Variants in LUZP2 observed in about 807,000 individuals in gnomAD.
The protein encoded by LUZP2 is leucine zipper protein 2.
A neutral mutation model predicts 51.6 loss-of-function variants in LUZP2; 52 were observed. The observed-to-expected ratio is 1.01, with a 90% CI of 0.81 to 1.27. The LOEUF (loss-of-function observed/expected upper bound fraction) is 1.27. Among genes scored for constraint, LUZP2 ranks in the 50% most tolerant of loss-of-function variants. The pLI is 0.00. For missense variants in LUZP2, 436 were observed against 395.4 expected (o/e 1.10, Z -0.87); for synonymous variants, 154 against 137.3 (o/e 1.12, Z -0.85).
At chr11:24,926,345 G>GTATATATATATACGTGTGTA (rs752623200) in intron 7 of LUZP2, among the ~76,000 whole-genome samples, 5 of 44,984 alleles carry the variant, frequency 1.1e-4, no homozygotes, top group Middle Eastern at 0.017. Flanking sequence ...ATATACGTGT[G>GTATATATATATACGTGTGTA]TATATATATA....
intron 7 of LUZP2, among the ~76,000 whole-genome samples, chr11:24,975,917 C>G (rs1442044855): frequency 6.6e-6 from 1 of 151,812 alleles, no homozygotes; most frequent in Non-Finnish European, 1.5e-5. Flanking sequence ...AACAAAATAC[C>G]ATCGACTAGT....
intron 5 of LUZP2, among the ~76,000 whole-genome samples, chr11:24,825,588 A>T (rs1333446921): frequency 2.0e-5 from 3 of 152,210 alleles, no homozygotes; most frequent in Admixed American, 2.0e-4. Flanking sequence ...TAGGGTCTCA[A>T]GGTGAAATAA....
intron 1 of LUZP2, among the ~76,000 whole-genome samples, chr11:24,673,055 T>C (rs1237328289): frequency 6.6e-6 from 1 of 152,134 alleles, no homozygotes; most frequent in East Asian, 1.9e-4. Context: ...TCTAAGGTGG[T>C]ACAGTTTAAT....
intron 1 of LUZP2, among the ~76,000 whole-genome samples, chr11:24,604,716 A>G (rs1853854783): frequency 6.6e-6 from 1 of 151,752 alleles, no homozygotes; most frequent in African/African-American, 2.4e-5. Flanking sequence ...AAGTAATGAA[A>G]TGAAGCGAAC....
intron 1 of LUZP2, among the ~76,000 whole-genome samples, chr11:24,658,882 C>T (rs1299837063): frequency 6.6e-6 from 1 of 152,230 alleles, no homozygotes. Flanking sequence ...TAGCATCTCA[C>T]ACCAGTTAGA....
chr11:24,578,235 T>A (rs139291206), intron 1 of LUZP2, among the ~76,000 whole-genome samples: 1 of 152,120 alleles, frequency 6.6e-6, no homozygotes, highest in South Asian at 2.1e-4. Flanking sequence ...AGCTTCTTCT[T>A]AATTTTAAGA....
intron 9 of LUZP2, among the ~76,000 whole-genome samples, chr11:25,027,624 C>T (rs1857530172): frequency 6.6e-6 from 1 of 152,118 alleles, no homozygotes; most frequent in Non-Finnish European, 1.5e-5. Flanking sequence ...GTAATCCCAG[C>T]ACTTTGGGAG....
At chr11:24,820,460 G>A (rs989176398) in intron 5 of LUZP2, among the ~76,000 whole-genome samples, 2 of 152,162 alleles carry the variant, frequency 1.3e-5, no homozygotes, top group African/African-American at 2.4e-5. Context: ...TAGAGTTTAT[G>A]TAAATCCACC....
At chr11:24,648,383 C>G (rs2133957824) in intron 1 of LUZP2, among the ~76,000 whole-genome samples, 1 of 152,028 alleles carries the variant, frequency 6.6e-6, no homozygotes, top group African/African-American at 2.4e-5. Flanking sequence ...TCTACTGTCT[C>G]TAATATATAC....
chr11:24,553,140 A>ATATATAATTATATGTATATATGTG (rs1443924263), intron 1 of LUZP2, among the ~76,000 whole-genome samples: 2 of 151,660 alleles, frequency 1.3e-5, no homozygotes, highest in African/African-American at 4.8e-5. Context: ...GTATATCTGT[A>ATATATAATTATATGTATATATGTG]TATATAATTA....
intron 1 of LUZP2, among the ~76,000 whole-genome samples, chr11:24,579,084 T>G (rs1852761253): frequency 6.6e-6 from 1 of 152,154 alleles, no homozygotes; most frequent in South Asian, 2.1e-4. Context: ...TAATGCTATA[T>G]TAAATGTTTG....
intron 7 of LUZP2, among the ~76,000 whole-genome samples, chr11:24,972,841 A>AG (rs60440446): frequency 0.99 from 151,026 of 152,064 alleles, 75,016 homozygotes; most frequent in Middle Eastern, 1. Context: ...TATTTTATTG[A>AG]GGTTTTTTCA....
intron 1 of LUZP2, among the ~76,000 whole-genome samples, chr11:24,534,387 A>G (rs911825007): frequency 2.4e-4 from 37 of 151,268 alleles, no homozygotes; most frequent in African/African-American, 8.9e-4. Flanking sequence ...TGACATATAC[A>G]TTTCTCTACA....
At chr11:24,839,080 AGT>A in intron 5 of LUZP2, among the ~76,000 whole-genome samples, 1 of 151,690 alleles carries the variant, frequency 6.6e-6, no homozygotes, top group Non-Finnish European at 1.5e-5. Context: ...GAGGAAATAA[AGT>A]TGTAGGTTGT....
intron 6 of LUZP2, among the ~76,000 whole-genome samples, chr11:24,913,444 C>G (rs1853700410): frequency 6.6e-6 from 1 of 152,088 alleles, no homozygotes; most frequent in African/African-American, 2.4e-5. Context: ...TATGCTTTAT[C>G]TAGCTTTTGG....
intron 9 of LUZP2, among the ~76,000 whole-genome samples, chr11:24,991,884 T>G (rs2133927725): frequency 6.6e-6 from 1 of 152,192 alleles, no homozygotes; most frequent in South Asian, 2.1e-4. Flanking sequence ...AATTGCCTAT[T>G]TATGTTCTTA....
At chr11:25,055,150 ACAGGTGCCTGC>A (rs1157722235) in intron 10 of LUZP2, among the ~76,000 whole-genome samples, 1 of 147,502 alleles carries the variant, frequency 6.8e-6, no homozygotes, top group Admixed American at 6.7e-5. Flanking sequence ...AGCTGGGACT[ACAGGTGCCTGC>A]CACCATGACC....
At chr11:24,645,840 A>AGT (rs3077994) in intron 1 of LUZP2, among the ~76,000 whole-genome samples, 1,518 of 149,784 alleles carry the variant, frequency 0.01, 5 homozygotes, top group African/African-American at 0.018. Flanking sequence ...ATATATATTA[A>AGT]GTGTGTGTGT....
chr11:24,703,674 A>G (rs925902590), intron 1 of LUZP2, among the ~76,000 whole-genome samples: 15 of 151,966 alleles, frequency 9.9e-5, no homozygotes, highest in South Asian at 4.2e-4. Context: ...AATACAAAAA[A>G]AAAAACTAGT....
Sources: gnomAD v4.1 joint callset for allele counts (sites outside exome capture counted in the v4.1 genomes callset) on GRCh38, gnomAD v4.1.1 for gene constraint, MANE v1.5 for transcripts, NCBI Gene and HGNC (gene_info 2026-07-23, HGNC 2026-07-21) for gene names.